LRRC4C: variants seen among roughly 807,000 people sequenced by gnomAD.
The protein encoded by LRRC4C is leucine-rich repeat-containing protein 4C.
Under a neutral mutation model 33.6 loss-of-function variants are expected in LRRC4C, and 5 were observed. The ratio of observed to expected loss-of-function variants is 0.15; its 90% CI spans 0.08 to 0.31. LRRC4C has a LOEUF of 0.31. Among genes scored for constraint, LRRC4C ranks in the 10% least tolerant of loss-of-function variants. The pLI is 1.00. For missense variants in LRRC4C, 560 were observed against 796.7 expected (o/e 0.70, Z 3.58); for synonymous variants, 329 against 302.0 (o/e 1.09, Z -0.93).
At chr11:41,440,169 A>G (rs1275297138) in intron 1 of LRRC4C, among the ~76,000 whole-genome samples, 1 of 152,072 alleles carries the variant, frequency 6.6e-6, no homozygotes, top group Non-Finnish European at 1.5e-5. Flanking sequence ...TGAGACTTTA[A>G]TTCATATTGA....
At chr11:40,655,080 C>A (rs1447518856) in intron 2 of LRRC4C, among the ~76,000 whole-genome samples, 1 of 152,194 alleles carries the variant, frequency 6.6e-6, no homozygotes, top group Non-Finnish European at 1.5e-5. Context: ...ATAAATTAAC[C>A]AGTCTCAGGT....
At chr11:41,430,838 G>C (rs1342994985) in intron 1 of LRRC4C, among the ~76,000 whole-genome samples, 1 of 151,788 alleles carries the variant, frequency 6.6e-6, no homozygotes, top group Non-Finnish European at 1.5e-5. Context: ...AGGTCATTAA[G>C]GGCACTTACT....
At chr11:41,459,398 A>G (rs1252758845) in intron 1 of LRRC4C, 33 bp downstream of exon 1, 1 of 152,140 alleles carries the variant, frequency 6.6e-6, no homozygotes, top group Non-Finnish European at 1.5e-5. Context: ...GCAAGACAAC[A>G]AGAACTGAGA....
intron 3 of LRRC4C, among the ~76,000 whole-genome samples, chr11:40,550,178 T>C (rs1181219918): frequency 2.0e-5 from 3 of 152,146 alleles, no homozygotes; most frequent in Non-Finnish European, 4.4e-5. Context: ...AATTAGTTAA[T>C]ATGCATTATT....
At chr11:40,316,474 A>T (rs1027176802) in intron 4 of LRRC4C, among the ~76,000 whole-genome samples, 3 of 151,976 alleles carry the variant, frequency 2.0e-5, no homozygotes, top group African/African-American at 7.3e-5. Flanking sequence ...CAAAAAGAAG[A>T]CAGAAGTAAA....
intron 4 of LRRC4C, among the ~76,000 whole-genome samples, chr11:40,244,556 C>A (rs1015611907): frequency 6.6e-6 from 1 of 152,182 alleles, no homozygotes; most frequent in Admixed American, 6.5e-5. Context: ...TTCAAGCCCA[C>A]TAAATTTTCC....
rs1453778066 is a variant in LRRC4C, at chr11:40,544,315, A to G, written c.-270+103827T>C. Among the ~76,000 whole-genome samples the G allele has an allele frequency of 2.0e-5, 3 of 152,148 alleles. No homozygotes were observed. In the East Asian group the frequency reaches 5.8e-4, roughly 29 times the overall value. On this transcript the variant is annotated intron_variant, in intron 3 of 6. Transcript: ENST00000528697. ...GATACTGGTTACATGAGGCTAAGGC[A>G]TTTGGGATTTAAGAAGCGAAACTCC...
intron 2 of LRRC4C, among the ~76,000 whole-genome samples, chr11:40,924,424 G>A (rs1342662999): frequency 6.9e-6 from 1 of 145,046 alleles, no homozygotes. Flanking sequence ...AAAAAATACT[G>A]TATGCCTTAA....
intron 1 of LRRC4C, among the ~76,000 whole-genome samples, chr11:41,178,148 C>A (rs560606638): frequency 6.6e-6 from 1 of 152,262 alleles, no homozygotes; most frequent in Admixed American, 6.5e-5. Context: ...AGAACATTGT[C>A]TAGATATAAT....
chr11:40,191,826 G>A (rs1381729233), intron 5 of LRRC4C, among the ~76,000 whole-genome samples: 1 of 152,042 alleles, frequency 6.6e-6, no homozygotes, highest in Admixed American at 6.6e-5. Context: ...CAGCCATAGT[G>A]GCATGCACCT....
chr11:40,666,846 C>T (rs1943836390), intron 2 of LRRC4C, among the ~76,000 whole-genome samples: 1 of 152,062 alleles, frequency 6.6e-6, no homozygotes, highest in Non-Finnish European at 1.5e-5. Flanking sequence ...CTATCCTAGC[C>T]AGTGGTCAGT....
At chr11:41,026,545 G>T (rs1486518914) in intron 1 of LRRC4C, among the ~76,000 whole-genome samples, 4 of 150,872 alleles carry the variant, frequency 2.7e-5, no homozygotes, top group African/African-American at 7.3e-5. Flanking sequence ...AAACTTGCAA[G>T]AAGTTTTACT....
chr11:41,125,657 C>T (rs780011342), intron 1 of LRRC4C, among the ~76,000 whole-genome samples: 74 of 152,174 alleles, frequency 4.9e-4, no homozygotes, highest in Non-Finnish European at 9.4e-4. Context: ...AGATTTTGTT[C>T]ATCCACATTT....
At chr11:40,684,265 A>G (rs1015686614) in intron 2 of LRRC4C, among the ~76,000 whole-genome samples, 2 of 152,184 alleles carry the variant, frequency 1.3e-5, no homozygotes, top group African/African-American at 4.8e-5. Context: ...TTTTGAATAA[A>G]GAAGAGGAAG....
intron 5 of LRRC4C, among the ~76,000 whole-genome samples, chr11:40,152,620 C>T (rs1248526582): frequency 6.6e-6 from 1 of 152,130 alleles, no homozygotes; most frequent in Non-Finnish European, 1.5e-5. Flanking sequence ...GGAGTGAGAC[C>T]GGCCCTTCAG....
chr11:40,296,042 G>A (rs542835661), intron 4 of LRRC4C, among the ~76,000 whole-genome samples: 1 of 152,124 alleles, frequency 6.6e-6, no homozygotes, highest in South Asian at 2.1e-4. Flanking sequence ...TGACAGCAAA[G>A]GAAGGCCAAT....
chr11:41,366,348 G>C (rs1952544681), intron 1 of LRRC4C, among the ~76,000 whole-genome samples: 1 of 151,520 alleles, frequency 6.6e-6, no homozygotes, highest in Admixed American at 6.6e-5. Flanking sequence ...TCTAGACAAA[G>C]AAAAAAATAG....
At chr11:40,943,070 G>A (rs534331295) in intron 1 of LRRC4C, among the ~76,000 whole-genome samples, 8 of 150,084 alleles carry the variant, frequency 5.3e-5, no homozygotes, top group Admixed American at 1.3e-4. Flanking sequence ...TATTTTTCAC[G>A]AACCTCAGTT....
chr11:40,248,139 A>T (rs1354377983), intron 4 of LRRC4C, among the ~76,000 whole-genome samples: 1 of 152,008 alleles, frequency 6.6e-6, no homozygotes, highest in African/African-American at 2.4e-5. Flanking sequence ...CTGCCTTTTC[A>T]TCCTTCCCTG....
Sources: gnomAD v4.1 joint callset for allele counts (sites outside exome capture counted in the v4.1 genomes callset) on GRCh38, gnomAD v4.1.1 for gene constraint, MANE v1.5 for transcripts, NCBI Gene and HGNC (gene_info 2026-07-23, HGNC 2026-07-21) for gene names.